AFG2A: variants seen among roughly 807,000 people sequenced by gnomAD.
The protein encoded by AFG2A is ATPase family gene 2 protein homolog A.
the AFG2A span, among the ~76,000 whole-genome samples, chr4:123,187,698 A>C: frequency 1.3e-5 from 2 of 151,998 alleles, no homozygotes; most frequent in African/African-American, 2.4e-5. Flanking sequence ...TAATGCCAAA[A>C]ATTTTGAAAA....
the AFG2A span, among the ~76,000 whole-genome samples, chr4:123,081,570 CTG>C: frequency 2.6e-4 from 40 of 152,254 alleles, no homozygotes; most frequent in African/African-American, 8.2e-4. Context: ...GTTATGAAGA[CTG>C]TGAATAAAGC....
the AFG2A span, among the ~76,000 whole-genome samples, chr4:123,075,110 A>G: frequency 5.3e-5 from 8 of 151,390 alleles, no homozygotes; most frequent in East Asian, 7.8e-4. Flanking sequence ...TGCCCGGCTA[A>G]TTTTTGTATT....
At chr4:123,121,721 A>G in the AFG2A span, among the ~76,000 whole-genome samples, 2 of 152,232 alleles carry the variant, frequency 1.3e-5, no homozygotes, top group African/African-American at 4.8e-5. Flanking sequence ...TGTTTGCACA[A>G]TGACAAAATC....
At chr4:123,309,696 T>G in the AFG2A span, among the ~76,000 whole-genome samples, 1 of 152,174 alleles carries the variant, frequency 6.6e-6, no homozygotes, top group Admixed American at 6.5e-5. Flanking sequence ...AACTTTTGAG[T>G]ACCAACATAA....
the AFG2A span, among the ~76,000 whole-genome samples, chr4:123,252,354 A>G: frequency 6.6e-6 from 1 of 152,328 alleles, no homozygotes; most frequent in East Asian, 1.9e-4. Flanking sequence ...AAACAAAAAT[A>G]AAACAAATTA....
chr4:123,065,444 G>A, the AFG2A span, among the ~76,000 whole-genome samples: 104 of 152,160 alleles, frequency 6.8e-4, no homozygotes, highest in Middle Eastern at 3.4e-3. Flanking sequence ...CATTTATAGC[G>A]CTTAACATAA....
the AFG2A span, among the ~76,000 whole-genome samples, chr4:123,267,484 C>T: frequency 2.0e-5 from 3 of 152,118 alleles, no homozygotes; most frequent in Admixed American, 6.5e-5. Context: ...AGTTCCACAT[C>T]ATAAATTAGA....
chr4:122,941,727 T>C, the AFG2A span, among the ~76,000 whole-genome samples: 18 of 151,788 alleles, frequency 1.2e-4, no homozygotes, highest in Non-Finnish European at 2.4e-4. Flanking sequence ...TCAAAGGGAA[T>C]GCTTCCAGTT....
At chr4:123,181,229 C>T in the AFG2A span, among the ~76,000 whole-genome samples, 1 of 151,994 alleles carries the variant, frequency 6.6e-6, no homozygotes, top group South Asian at 2.1e-4. Flanking sequence ...CATGATCCGC[C>T]CACCTTGGCC....
the AFG2A span, among the ~76,000 whole-genome samples, chr4:123,063,677 C>T: frequency 0.054 from 8,162 of 151,572 alleles, 521 homozygotes; most frequent in African/African-American, 0.16. Flanking sequence ...ACTCAGGAGG[C>T]GGAGCTTGCA....
the AFG2A span, among the ~76,000 whole-genome samples, chr4:122,941,371 A>G: frequency 3.3e-5 from 5 of 151,678 alleles, no homozygotes; most frequent in African/African-American, 7.3e-5. Context: ...TTGGATTCCT[A>G]GGTATTTTAT....
the AFG2A span, among the ~76,000 whole-genome samples, chr4:123,217,263 T>G: frequency 6.6e-6 from 1 of 152,114 alleles, no homozygotes; most frequent in Non-Finnish European, 1.5e-5. Flanking sequence ...TTGACAGATG[T>G]GAGGGTCAGA....
chr4:123,290,231 T>C, the AFG2A span, among the ~76,000 whole-genome samples: 1 of 152,168 alleles, frequency 6.6e-6, no homozygotes, highest in Non-Finnish European at 1.5e-5. Flanking sequence ...ATTTTTGCTT[T>C]TGTTGCTTGT....
the AFG2A span, among the ~76,000 whole-genome samples, chr4:123,268,126 G>T: frequency 6.6e-6 from 1 of 151,838 alleles, no homozygotes; most frequent in Admixed American, 6.6e-5. Flanking sequence ...GAAAACTAAG[G>T]ACCACTAATA....
At chr4:123,015,946 G>GC in the AFG2A span, among the ~76,000 whole-genome samples, 4 of 41,130 alleles carry the variant, frequency 9.7e-5, no homozygotes, top group African/African-American at 2.1e-4. Context: ...GGGCAGAGGC[G>GC]CCCCTCACCT....
At chr4:123,308,276 C>T in the AFG2A span, among the ~76,000 whole-genome samples, 150 of 152,286 alleles carry the variant, frequency 9.8e-4, no homozygotes, top group Non-Finnish European at 5.0e-4. Context: ...GATGAACATA[C>T]ATCACAGTAT....
chr4:123,201,194 G>GT, the AFG2A span, among the ~76,000 whole-genome samples: 3 of 152,122 alleles, frequency 2.0e-5, no homozygotes, highest in Non-Finnish European at 4.4e-5. Flanking sequence ...TTTGCTATAT[G>GT]TAAGTTCACC....
At chr4:123,085,892 C>T in the AFG2A span, among the ~76,000 whole-genome samples, 3 of 151,420 alleles carry the variant, frequency 2.0e-5, no homozygotes, top group Admixed American at 6.6e-5. Context: ...TCAGTTGTTA[C>T]CCTAAGTTTT....
chr4:123,264,337 T>A, the AFG2A span, among the ~76,000 whole-genome samples: 1 of 152,044 alleles, frequency 6.6e-6, no homozygotes, highest in African/African-American at 2.4e-5. Flanking sequence ...CCAAACACCA[T>A]GTGTTCCCCA....
Sources: gnomAD v4.1 joint callset for allele counts (sites outside exome capture counted in the v4.1 genomes callset) on GRCh38, gnomAD v4.1.1 for gene constraint, MANE v1.5 for transcripts, NCBI Gene and HGNC (gene_info 2026-07-23, HGNC 2026-07-21) for gene names.